The following ST6GALNAC3 variants were observed in gnomAD, a reference collection of about 807,000 sequenced individuals.
ST6GALNAC3 encodes the protein alpha-N-acetylgalactosaminide alpha-2,6-sialyltransferase 3.
ST6GALNAC3 carries 25 observed loss-of-function variants against 32.7 expected under a neutral mutation model. The ratio of observed to expected loss-of-function variants is 0.76; its 90% CI spans 0.56 to 1.07. ST6GALNAC3 has a LOEUF of 1.07. ST6GALNAC3 is among the 50% of genes least tolerant of loss of function. The probability of loss-of-function intolerance (pLI) is 0.00; values close to 1 mark genes in which losing one functional copy is unlikely to be tolerated. For synonymous variants in ST6GALNAC3, 129 were observed against 133.1 expected, an observed-to-expected ratio of 0.97 and a Z score of 0.21; for missense variants, 355 against 382.4, an observed-to-expected ratio of 0.93 and a Z score of 0.60.
chr1:76,518,822 T>TG (rs1662332146), intron 3 of ST6GALNAC3, among the ~76,000 whole-genome samples: 1 of 152,272 alleles, frequency 6.6e-6, no homozygotes, highest in South Asian at 2.1e-4. Flanking sequence ...CCCAGCACTT[T>TG]GGGAGGCCAA....
chr1:76,587,716 A>G (rs920155972), intron 3 of ST6GALNAC3, among the ~76,000 whole-genome samples: 15 of 152,214 alleles, frequency 9.9e-5, no homozygotes, highest in African/African-American at 3.1e-4. Context: ...CTCTTGATAA[A>G]TGGAATTTAA....
At chr1:76,443,902 A>G (rs568171922) in intron 3 of ST6GALNAC3, among the ~76,000 whole-genome samples, 24 of 152,220 alleles carry the variant, frequency 1.6e-4, no homozygotes, top group Non-Finnish European at 2.9e-4. Context: ...AAACTCTATA[A>G]TGGGTGCCAT....
At chr1:76,471,406 T>C (rs914827394) in intron 3 of ST6GALNAC3, among the ~76,000 whole-genome samples, 3 of 152,180 alleles carry the variant, frequency 2.0e-5, no homozygotes, top group Non-Finnish European at 4.4e-5. Flanking sequence ...CTTAAAAATA[T>C]GTTTTTCTAC....
chr1:76,131,283 C>T (rs1649594555), intron 1 of ST6GALNAC3, among the ~76,000 whole-genome samples: 1 of 152,190 alleles, frequency 6.6e-6, no homozygotes, highest in Non-Finnish European at 1.5e-5. Flanking sequence ...AAAGCCAAGG[C>T]CACTTGTTCT....
chr1:76,624,850 A>G (rs764928287), intron 3 of ST6GALNAC3, among the ~76,000 whole-genome samples: 8 of 151,924 alleles, frequency 5.3e-5, no homozygotes, highest in Non-Finnish European at 1.2e-4. Flanking sequence ...TATATACCCC[A>G]TACATTTAGT....
At chr1:76,184,427 C>G (rs1208370850) in intron 1 of ST6GALNAC3, among the ~76,000 whole-genome samples, 1 of 151,666 alleles carries the variant, frequency 6.6e-6, no homozygotes, top group Non-Finnish European at 1.5e-5. Flanking sequence ...TAGTCACAGC[C>G]ACTTGGGAGG....
chr1:76,591,020 T>C (rs2100584811), intron 3 of ST6GALNAC3, among the ~76,000 whole-genome samples: 1 of 152,304 alleles, frequency 6.6e-6, no homozygotes, highest in African/African-American at 2.4e-5. Flanking sequence ...ATAAGTGTAA[T>C]TATAGCTAGA....
At chr1:76,507,315 AT>A (rs1484002903) in intron 3 of ST6GALNAC3, among the ~76,000 whole-genome samples, 2 of 152,148 alleles carry the variant, frequency 1.3e-5, no homozygotes, top group Non-Finnish European at 2.9e-5. Flanking sequence ...TAATTTACCC[AT>A]TTAAAGTGTA....
At position 76,381,920 on chromosome 1, in the gene ST6GALNAC3, G is replaced by A. The variant is rs1049397821; in HGVS notation, c.214-30088G>A. Among the ~76,000 whole-genome samples, 9 of 152,256 alleles carry A rather than the reference G, an allele frequency of 5.9e-5. No homozygotes were observed. The East Asian group carries it at 1.7e-3, about 29-fold the overall frequency. Reference sequence around the variant, plus strand: ...TAGCAGTGAGATACTGAGAAGCCAAGAAGAATGCAGTAGTTTAAAAGGCCA... The same window carrying A: ...TAGCAGTGAGATACTGAGAAGCCAAAAAGAATGCAGTAGTTTAAAAGGCCA... On this transcript the variant is annotated intron_variant, in intron 2 of 4. Coordinates refer to ENST00000328299, the MANE Select transcript of ST6GALNAC3 (RefSeq NM_152996.4).
At chr1:76,229,434 G>C (rs990076587) in intron 1 of ST6GALNAC3, among the ~76,000 whole-genome samples, 3 of 152,066 alleles carry the variant, frequency 2.0e-5, no homozygotes, top group African/African-American at 7.2e-5. Flanking sequence ...TTTAATTAGG[G>C]CACATCTGAA....
chr1:76,132,116 T>TC (rs1649647934), intron 1 of ST6GALNAC3, among the ~76,000 whole-genome samples: 1 of 152,062 alleles, frequency 6.6e-6, no homozygotes, highest in Non-Finnish European at 1.5e-5. Context: ...TTTCATACTC[T>TC]CCCCCACTTC....
At chr1:76,326,641 G>A (rs188486996) in intron 2 of ST6GALNAC3, among the ~76,000 whole-genome samples, 17 of 151,936 alleles carry the variant, frequency 1.1e-4, no homozygotes, top group Admixed American at 5.9e-4. Context: ...TATCTAGTAG[G>A]AGCTTAAAAA....
At chr1:76,491,584 G>A (rs901005581) in intron 3 of ST6GALNAC3, among the ~76,000 whole-genome samples, 3 of 152,084 alleles carry the variant, frequency 2.0e-5, no homozygotes, top group Non-Finnish European at 4.4e-5. Flanking sequence ...GTAGGCCTGT[G>A]TTTAATCTAA....
chr1:76,252,537 G>A (rs547983943), intron 1 of ST6GALNAC3, among the ~76,000 whole-genome samples: 6 of 152,106 alleles, frequency 3.9e-5, no homozygotes, highest in Admixed American at 3.9e-4. Context: ...CAGTTCCCTT[G>A]AGGATGGCCC....
intron 1 of ST6GALNAC3, among the ~76,000 whole-genome samples, chr1:76,289,871 G>A (rs539769273): frequency 6.6e-6 from 1 of 152,332 alleles, no homozygotes; most frequent in South Asian, 2.1e-4. Flanking sequence ...GGTTCTTGAA[G>A]CTAGTCATGA....
At chr1:76,602,780 C>T (rs1647294422) in intron 3 of ST6GALNAC3, among the ~76,000 whole-genome samples, 1 of 151,150 alleles carries the variant, frequency 6.6e-6, no homozygotes, top group African/African-American at 2.4e-5. Context: ...AGTTAAAATG[C>T]AATGTTTCTG....
At chr1:76,318,792 T>C (rs1646915466) in intron 2 of ST6GALNAC3, among the ~76,000 whole-genome samples, 1 of 152,188 alleles carries the variant, frequency 6.6e-6, no homozygotes, top group African/African-American at 2.4e-5. Flanking sequence ...TTGAAACAAA[T>C]GCTATTTATT....
chr1:76,256,732 C>CT lies in ST6GALNAC3; in HGVS notation c.19-57060dup, dbSNP rs398053129. Among the ~76,000 whole-genome samples, 1,422 of 143,212 alleles carry CT rather than the reference C, an allele frequency of 9.9e-3. 20 individuals carry two copies. Among genetic ancestry groups the CT allele is most frequent in the East Asian group, 0.026 (127 of 4,962 alleles). The allele number at this position is 143,212 out of a possible 152,430, so 94.0% of individuals were successfully genotyped here. A position where few individuals can be genotyped will look rare whatever the true frequency, so the allele number is the denominator to read the frequency against. ...ATTAAGTTCTGAACACATAAAATGA[C>CT]TTTTTTTTTTTTTCCTTTTTGGTCT... On this transcript the variant is annotated intron_variant, in intron 1 of 4. Coordinates refer to ENST00000328299, the MANE Select transcript of ST6GALNAC3 (RefSeq NM_152996.4).
chr1:76,218,165 C>T (rs1655576675), intron 1 of ST6GALNAC3, among the ~76,000 whole-genome samples: 1 of 152,060 alleles, frequency 6.6e-6, no homozygotes, highest in Non-Finnish European at 1.5e-5. Context: ...TCACCACATC[C>T]ATGCCAATAT....
Sources: gnomAD v4.1 joint callset for allele counts (sites outside exome capture counted in the v4.1 genomes callset) on GRCh38, gnomAD v4.1.1 for gene constraint, MANE v1.5 for transcripts, NCBI Gene and HGNC (gene_info 2026-07-23, HGNC 2026-07-21) for gene names.